Variants in CNTNAP2 observed in about 807,000 individuals in gnomAD.
The protein encoded by CNTNAP2 is contactin-associated protein-like 2.
CNTNAP2 carries 98 observed loss-of-function variants against 155.2 expected under a neutral mutation model. The observed-to-expected ratio is 0.63, with a 90% CI of 0.54 to 0.75. The LOEUF (loss-of-function observed/expected upper bound fraction) is 0.75, where lower values mean the gene tolerates loss of function less well. Among genes scored for constraint, CNTNAP2 ranks in the 30% least tolerant of loss-of-function variants. CNTNAP2 has a pLI of 0.00. For missense variants in CNTNAP2, 1,727 were observed against 1,688.1 expected (o/e 1.02, Z -0.40); for synonymous variants, 651 against 631.2 (o/e 1.03, Z -0.47).
At chr7:146,872,711 T>G (rs1468235033) in intron 3 of CNTNAP2, among the ~76,000 whole-genome samples, 2 of 152,194 alleles carry the variant, frequency 1.3e-5, no homozygotes, top group Admixed American at 1.3e-4. Context: ...TAGGAGATAA[T>G]AGCTAGAAGG....
At chr7:147,012,598 G>A (rs1042963954) in intron 3 of CNTNAP2, among the ~76,000 whole-genome samples, 2 of 152,074 alleles carry the variant, frequency 1.3e-5, no homozygotes, top group African/African-American at 4.8e-5. Context: ...ATTTTAGAGA[G>A]TTTTAATTCT....
intron 1 of CNTNAP2, among the ~76,000 whole-genome samples, chr7:146,271,813 A>C (rs1800086791): frequency 6.6e-6 from 1 of 152,130 alleles, no homozygotes; most frequent in South Asian, 2.1e-4. Flanking sequence ...ATTTATGCAC[A>C]TCTTTATTTC....
At chr7:146,934,113 A>G (rs1796853310) in intron 3 of CNTNAP2, among the ~76,000 whole-genome samples, 1 of 152,060 alleles carries the variant, frequency 6.6e-6, no homozygotes, top group Non-Finnish European at 1.5e-5. Flanking sequence ...AGGACTATAA[A>G]TCATGCTGCT....
intron 3 of CNTNAP2, among the ~76,000 whole-genome samples, chr7:146,841,842 G>T (rs1803730968): frequency 6.7e-6 from 1 of 150,068 alleles, no homozygotes; most frequent in African/African-American, 2.4e-5. Flanking sequence ...GAGACATAAG[G>T]AAAAAAGGCT....
intron 1 of CNTNAP2, among the ~76,000 whole-genome samples, chr7:146,231,378 T>C (rs925112732): frequency 2.6e-5 from 4 of 152,110 alleles, no homozygotes; most frequent in African/African-American, 7.2e-5. Flanking sequence ...CTACTCTACT[T>C]CTGCATCAAT....
intron 15 of CNTNAP2, among the ~76,000 whole-genome samples, chr7:148,050,296 T>C (rs906398020): frequency 3.3e-5 from 5 of 152,110 alleles, no homozygotes; most frequent in African/African-American, 9.7e-5. Flanking sequence ...TAGGACAAGG[T>C]GTGGAGGTGG....
In CNTNAP2 at chr7:148,149,873, T is replaced by C. The variant is rs191579885; in HGVS notation, c.2773+2164T>C. ...GGCCTGTGTTGTTTTAATTTAGCAA[T>C]TGTAAAACCATTGATGACCGCAGAA... On this transcript the variant is annotated intron_variant, in intron 17 of 23. Coordinates refer to ENST00000361727, the MANE Select transcript of CNTNAP2 (RefSeq NM_014141.6). Among the ~76,000 whole-genome samples the C allele has an allele frequency of 3.8e-3, 575 of 152,094 alleles. 2 individuals carry two copies. The highest frequency in any genetic ancestry group is 0.012 in the African/African-American group (514 of 41,488).
At chr7:146,357,139 C>CA (rs1795009791) in intron 1 of CNTNAP2, among the ~76,000 whole-genome samples, 1 of 142,774 alleles carries the variant, frequency 7.0e-6, no homozygotes, top group Admixed American at 7.4e-5. Context: ...ATTGAAGGGA[C>CA]AAAATAGCAA....
chr7:147,129,730 G>T (rs1801314384), intron 7 of CNTNAP2, among the ~76,000 whole-genome samples: 1 of 151,968 alleles, frequency 6.6e-6, no homozygotes. Flanking sequence ...TTGAGCCCAG[G>T]GTTTCATAAA....
intron 1 of CNTNAP2, among the ~76,000 whole-genome samples, chr7:146,547,557 C>A (rs1798047022): frequency 6.6e-6 from 1 of 151,940 alleles, no homozygotes; most frequent in African/African-American, 2.4e-5. Flanking sequence ...TTAGGTACCT[C>A]CTCCCAGAGA....
intron 1 of CNTNAP2, among the ~76,000 whole-genome samples, chr7:146,503,070 C>T (rs1797330303): frequency 6.6e-6 from 1 of 151,940 alleles, no homozygotes; most frequent in Admixed American, 6.6e-5. Context: ...AGTTGAGTTC[C>T]TTATTTATTC....
At chr7:147,405,727 C>T (rs1796995093) in intron 10 of CNTNAP2, among the ~76,000 whole-genome samples, 1 of 152,036 alleles carries the variant, frequency 6.6e-6, no homozygotes, top group South Asian at 2.1e-4. Flanking sequence ...AACACAAAAC[C>T]ATAAGTTTAT....
chr7:146,558,189 G>A (rs754178963), intron 1 of CNTNAP2, among the ~76,000 whole-genome samples: 5 of 152,146 alleles, frequency 3.3e-5, no homozygotes, highest in East Asian at 1.9e-4. Context: ...CTGAGGCACC[G>A]GGGTGAAGAG....
At chr7:147,363,660 G>A (rs893929771) in intron 9 of CNTNAP2, among the ~76,000 whole-genome samples, 1 of 152,152 alleles carries the variant, frequency 6.6e-6, no homozygotes, top group African/African-American at 2.4e-5. Context: ...CAGTCTTGGA[G>A]TCATTTCCAA....
chr7:146,609,890 A>G (rs139811883), intron 1 of CNTNAP2, among the ~76,000 whole-genome samples: 4 of 152,296 alleles, frequency 2.6e-5, no homozygotes, highest in Non-Finnish European at 5.9e-5. Flanking sequence ...AAGCATGCTT[A>G]TAAGACCAGA....
intron 1 of CNTNAP2, among the ~76,000 whole-genome samples, chr7:146,319,716 C>T (rs1563036455): frequency 6.6e-6 from 1 of 152,144 alleles, no homozygotes; most frequent in Non-Finnish European, 1.5e-5. Flanking sequence ...GAGTGGGGCA[C>T]TGAATCTGAT....
At chr7:147,780,149 A>G (rs1797642389) in intron 13 of CNTNAP2, among the ~76,000 whole-genome samples, 1 of 152,214 alleles carries the variant, frequency 6.6e-6, no homozygotes, top group African/African-American at 2.4e-5. Context: ...TAATCTTACG[A>G]CTGCTCTGAA....
chr7:147,637,794 C>A lies in CNTNAP2; in HGVS notation c.1898-1312C>A, dbSNP rs1229353537. ...GATTGTGTATTTTCATCCAAAGGTGCATCATGTGTGGTTTCACTTGTGGTT... is the reference window on the plus strand; with the variant it reads ...GATTGTGTATTTTCATCCAAAGGTGAATCATGTGTGGTTTCACTTGTGGTT... On this transcript the variant is annotated intron_variant, in intron 12 of 23. Coordinates refer to ENST00000361727, the MANE Select transcript of CNTNAP2 (RefSeq NM_014141.6). 1.2e-4 allele frequency among the ~76,000 whole-genome samples: 19 copies of A among 152,152 alleles called. 1 individual carries two copies. Among genetic ancestry groups the A allele is most frequent in the Admixed American group, 1.2e-3 (19 of 15,278 alleles).
chr7:146,624,564 A>G (rs1177005646), intron 1 of CNTNAP2, among the ~76,000 whole-genome samples: 1 of 151,796 alleles, frequency 6.6e-6, no homozygotes, highest in Non-Finnish European at 1.5e-5. Flanking sequence ...GTGTGGGTTT[A>G]TTTTACTGGT....
Sources: allele counts gnomAD v4.1 joint callset (sites outside exome capture counted in the v4.1 genomes callset), GRCh38; gene constraint gnomAD v4.1.1; transcripts MANE v1.5; gene names NCBI Gene and HGNC (gene_info 2026-07-23, HGNC 2026-07-21).